AK8: variants seen among roughly 807,000 people sequenced by gnomAD.
AK8 encodes the protein adenylate kinase 8, also known as ATP-AMP transphosphorylase 8.
AK8 carries 44 observed loss-of-function variants against 54.6 expected under a neutral mutation model. That is an observed-to-expected ratio of 0.81 (90% CI 0.63 to 1.04). AK8 has a LOEUF of 1.04. Among genes scored for constraint, AK8 ranks in the 50% least tolerant of loss-of-function variants. The pLI is 0.00. For missense variants in AK8, 555 were observed against 613.6 expected (o/e 0.90, Z 1.01); for synonymous variants, 239 against 245.6 (o/e 0.97, Z 0.25).
intron 10 of AK8, among the ~76,000 whole-genome samples, chr9:132,813,203 C>T (rs1392616249): frequency 2.6e-5 from 4 of 151,750 alleles, no homozygotes. Flanking sequence ...CAGGACCAGA[C>T]CCGCTCACTG....
intron 11 of AK8, among the ~76,000 whole-genome samples, chr9:132,772,252 C>T (rs1839013815): frequency 6.6e-6 from 1 of 152,232 alleles, no homozygotes; most frequent in African/African-American, 2.4e-5. Context: ...TCCTGAACTA[C>T]CAGACTCATA....
At chr9:132,866,632 CG>C (rs1272522878) in intron 3 of AK8, among the ~76,000 whole-genome samples, 17 of 152,246 alleles carry the variant, frequency 1.1e-4, no homozygotes, top group African/African-American at 3.9e-4. Flanking sequence ...GCAAGGAGAG[CG>C]TGTATGCAGG....
In AK8 at chr9:132,837,915, C is replaced by T. The variant is rs77336847; in HGVS notation, c.403-9189G>A. On this transcript the variant is annotated intron_variant, in intron 5 of 12. Coordinates refer to ENST00000298545, the MANE Select transcript of AK8 (RefSeq NM_152572.3). This position sits in a 1 kb window ranked among gnomAD's most constrained non-coding sequence, Gnocchi z 4.3. ...TGGAACTCAGACCTCCACTTCCAATCCCCTGCAAAGCTAACTGCATCTGTA... is the reference window on the plus strand; with the variant it reads ...TGGAACTCAGACCTCCACTTCCAATTCCCTGCAAAGCTAACTGCATCTGTA... Among the ~76,000 whole-genome samples, 1 of 152,222 alleles carries T rather than the reference C, an allele frequency of 6.6e-6. No homozygotes were observed. Among genetic ancestry groups the T allele is most frequent in the Non-Finnish European group, 1.5e-5 (1 of 68,042 alleles).
intron 11 of AK8, among the ~76,000 whole-genome samples, chr9:132,739,917 C>T (rs929108715): frequency 4.6e-5 from 7 of 152,246 alleles, no homozygotes; most frequent in African/African-American, 1.7e-4. Flanking sequence ...AAGGCCCTTA[C>T]CTTGTGGGGC....
At chr9:132,851,482 G>C (rs985972976) in intron 5 of AK8, among the ~76,000 whole-genome samples, 1 of 152,236 alleles carries the variant, frequency 6.6e-6, no homozygotes, top group East Asian at 1.9e-4. Context: ...GGAGTTATCA[G>C]GAGATGACAG....
intron 4 of AK8, among the ~76,000 whole-genome samples, chr9:132,856,279 C>T (rs754430238): frequency 1.3e-5 from 2 of 152,218 alleles, no homozygotes; most frequent in African/African-American, 2.4e-5. Context: ...GAGACTCGGA[C>T]TTGGCATCAG....
intron 5 of AK8, among the ~76,000 whole-genome samples, chr9:132,841,231 G>C (rs183934020): frequency 3.7e-4 from 57 of 152,278 alleles, no homozygotes; most frequent in Non-Finnish European, 8.8e-5. Context: ...AGTGTCCCTC[G>C]CTGCTGTCTG....
rs559567414 is a variant in AK8, at chr9:132,802,104, G to A, written c.980-9329C>T. On this transcript the variant is annotated intron_variant, in intron 10 of 12. Coordinates refer to ENST00000298545, the MANE Select transcript of AK8 (RefSeq NM_152572.3). ...CTCCTCTTCATGGGGACAAAATTGGGCTCCAAAGCCACGGAGGTATTGGTA... is the reference window on the plus strand; with the variant it reads ...CTCCTCTTCATGGGGACAAAATTGGACTCCAAAGCCACGGAGGTATTGGTA... Among the ~76,000 whole-genome samples, 5 of 152,306 alleles carry A rather than the reference G, an allele frequency of 3.3e-5. No individual in the cohort carries two copies. The East Asian group carries it at 9.6e-4, about 29-fold the overall frequency.
intron 11 of AK8, chr9:132,769,486 G>A (rs1332279935): frequency 1.3e-5 from 2 of 152,288 alleles, no homozygotes; most frequent in Non-Finnish European, 2.9e-5. Context: ...TCGCAGGCAG[G>A]AGGAGCGCAG....
intron 11 of AK8, among the ~76,000 whole-genome samples, chr9:132,772,833 T>C (rs1839041614): frequency 6.6e-6 from 1 of 152,142 alleles, no homozygotes; most frequent in Admixed American, 6.5e-5. Context: ...AAATCAATGG[T>C]ACCAATTCTA....
intron 11 of AK8, among the ~76,000 whole-genome samples, chr9:132,761,527 G>T (rs898045624): frequency 6.6e-6 from 1 of 152,240 alleles, no homozygotes; most frequent in African/African-American, 2.4e-5. Context: ...TTCCCAAAGT[G>T]CTGGGATTAC....
chr9:132,866,637 A>G (rs541183848), intron 3 of AK8, among the ~76,000 whole-genome samples: 4 of 152,328 alleles, frequency 2.6e-5, no homozygotes, highest in Non-Finnish European at 4.4e-5. Flanking sequence ...GAGAGCGTGT[A>G]TGCAGGCCAG....
chr9:132,759,651 C>T (rs989424472), intron 11 of AK8, among the ~76,000 whole-genome samples: 1 of 152,060 alleles, frequency 6.6e-6, no homozygotes, highest in African/African-American at 2.4e-5. Flanking sequence ...GTAATTTTTT[C>T]CCACATGGGT....
In AK8 at chr9:132,791,619, G is replaced by A. The variant is rs1839949287; in HGVS notation, c.1121+1015C>T. Among the ~76,000 whole-genome samples, 1 of 152,152 alleles carries A rather than the reference G, an allele frequency of 6.6e-6. No homozygotes were observed. The highest frequency in any genetic ancestry group is 2.1e-4 in the South Asian group (1 of 4,806). On this transcript the variant is annotated intron_variant, in intron 11 of 12. Transcript: ENST00000298545. The surrounding 1 kb of genome is among the most constrained non-coding windows in gnomAD (Gnocchi z 4.0). ...ATGACAAAAGTAAAGTAGTTAAACA[G>A]AGAGGTACTACTGCAGAAATAGACA...
chr9:132,861,993 G>A (rs1366630734), intron 4 of AK8, among the ~76,000 whole-genome samples: 1 of 152,172 alleles, frequency 6.6e-6, no homozygotes, highest in African/African-American at 2.4e-5. Context: ...TGAAACCCAG[G>A]AGGAATTTCC....
chr9:132,794,726 A>T (rs1016227877), intron 10 of AK8, among the ~76,000 whole-genome samples: 4 of 152,246 alleles, frequency 2.6e-5, no homozygotes, highest in African/African-American at 4.8e-5. Context: ...TTCAAAAGTA[A>T]TCAACTCTGT....
intron 5 of AK8, among the ~76,000 whole-genome samples, chr9:132,853,365 A>AT (rs1843045826): frequency 6.6e-6 from 1 of 151,568 alleles, no homozygotes; most frequent in Non-Finnish European, 1.5e-5. Flanking sequence ...CTCAAAAAAA[A>AT]AAAAAAAGAA....
Position 132,790,683 on chromosome 9 carries a change from T to C in AK8, c.1121+1951A>G, listed in dbSNP as rs555686576. 6.6e-6 allele frequency among the ~76,000 whole-genome samples: 1 copy of C among 152,242 alleles called. No individual in the cohort carries two copies. The highest frequency in any genetic ancestry group is 1.5e-5 in the Non-Finnish European group (1 of 68,028). Reference sequence around the variant, plus strand: ...CGATCATGACACCCTGTTCTGAAAGTACCGCCCAACAAGAGTAAAATGAAA... The same window carrying C: ...CGATCATGACACCCTGTTCTGAAAGCACCGCCCAACAAGAGTAAAATGAAA... On this transcript the variant is annotated intron_variant, in intron 11 of 12. Transcript: ENST00000298545. The surrounding 1 kb of genome is among the most constrained non-coding windows in gnomAD (Gnocchi z 4.1).
At chr9:132,760,162 A>G (rs1838384639) in intron 11 of AK8, among the ~76,000 whole-genome samples, 1 of 150,976 alleles carries the variant, frequency 6.6e-6, no homozygotes, top group African/African-American at 2.4e-5. Flanking sequence ...TTCAGTGTAC[A>G]CTTTTCTTCT....
Sources: gnomAD v4.1 joint callset for allele counts (sites outside exome capture counted in the v4.1 genomes callset) on GRCh38, gnomAD v4.1.1 for gene constraint, Gnocchi (gnomAD v3.1) non-coding constraint, MANE v1.5 for transcripts, NCBI Gene and HGNC (gene_info 2026-07-23, HGNC 2026-07-21) for gene names.